The following TMEM132D variants were observed in gnomAD, a reference collection of about 807,000 sequenced individuals.
TMEM132D encodes the protein mature OL transmembrane protein.
A neutral mutation model predicts 62.3 loss-of-function variants in TMEM132D; 21 were observed. That is an observed-to-expected ratio of 0.34 (90% CI 0.24 to 0.49). The LOEUF (loss-of-function observed/expected upper bound fraction) is 0.49, where lower values mean the gene tolerates loss of function less well. TMEM132D is among the 20% of genes least tolerant of loss of function. The pLI, the probability that TMEM132D is intolerant of heterozygous loss-of-function variation, is 0.99. For missense variants in TMEM132D, 1,346 were observed against 1,402.8 expected, an observed-to-expected ratio of 0.96 and a Z score of 0.65; for synonymous variants, 621 against 575.6, an observed-to-expected ratio of 1.08 and a Z score of -1.13.
At chr12:129,209,419 A>AGCCAGAGGT (rs1327221715) in intron 5 of TMEM132D, 101 bp downstream of exon 5, 2 of 1,445,962 alleles carry the variant, frequency 1.4e-6, no homozygotes, top group Non-Finnish European at 1.9e-6. Context: ...ATCCTGTGGG[A>AGCCAGAGGT]CCCAGAGGTC....
At chr12:129,549,702 G>A (rs768855993) in intron 2 of TMEM132D, among the ~76,000 whole-genome samples, 6 of 152,138 alleles carry the variant, frequency 3.9e-5, no homozygotes, top group Non-Finnish European at 7.3e-5. Context: ...CTTTGACTTT[G>A]GGCATAGTCA....
chr12:129,446,363 G>T (rs1176693582), intron 3 of TMEM132D, among the ~76,000 whole-genome samples: 1 of 152,164 alleles, frequency 6.6e-6, no homozygotes, highest in Admixed American at 6.5e-5. Flanking sequence ...CAGGTGTTGT[G>T]CACTGTACCC....
chr12:129,479,551 C>A (rs1005787704), intron 3 of TMEM132D, among the ~76,000 whole-genome samples: 1 of 152,130 alleles, frequency 6.6e-6, no homozygotes, highest in South Asian at 2.1e-4. Flanking sequence ...TGATAAAAAC[C>A]AATGCCTGTC....
chr12:129,398,860 AT>A (rs879345952), intron 3 of TMEM132D, among the ~76,000 whole-genome samples: 12,111 of 152,144 alleles, frequency 0.08, 1,146 homozygotes, highest in African/African-American at 0.24. Context: ...CCATCCATCC[AT>A]CCATCCATCC....
intron 1 of TMEM132D, among the ~76,000 whole-genome samples, chr12:129,886,483 C>T (rs1271453714): frequency 6.6e-6 from 1 of 152,164 alleles, no homozygotes; most frequent in Admixed American, 6.5e-5. Context: ...CCCTTTAAAA[C>T]ATCCCCATTC....
chr12:129,891,579 C>T (rs961692228), intron 1 of TMEM132D, among the ~76,000 whole-genome samples: 1 of 152,174 alleles, frequency 6.6e-6, no homozygotes, highest in East Asian at 1.9e-4. Flanking sequence ...CAGGAAAGAA[C>T]TTGGCAGCGA....
rs189204980 is a variant in TMEM132D, at chr12:129,301,524, C to A, written c.1299+36110G>T. 2.0e-5 allele frequency among the ~76,000 whole-genome samples: 3 copies of A among 152,238 alleles called. No individual in the cohort carries two copies. The East Asian group carries it at 5.8e-4, about 29-fold the overall frequency. Reference sequence around the variant, plus strand: ...ATGCGACCTGCTTCAAAAGCACAGACATTACTCCAATTTTCCAAATTGGGA... The same window carrying A: ...ATGCGACCTGCTTCAAAAGCACAGAAATTACTCCAATTTTCCAAATTGGGA... On this transcript the variant is annotated intron_variant, in intron 4 of 8. Coordinates refer to ENST00000422113, the MANE Select transcript of TMEM132D (RefSeq NM_133448.3).
At chr12:129,560,103 G>T (rs1877173194) in intron 2 of TMEM132D, among the ~76,000 whole-genome samples, 1 of 152,188 alleles carries the variant, frequency 6.6e-6, no homozygotes, top group Non-Finnish European at 1.5e-5. Flanking sequence ...TAAAGTGTGT[G>T]GCAATATGTA....
At chr12:129,274,916 T>G (rs1880963465) in intron 4 of TMEM132D, among the ~76,000 whole-genome samples, 1 of 151,642 alleles carries the variant, frequency 6.6e-6, no homozygotes, top group African/African-American at 2.4e-5. Context: ...AAACAATTAT[T>G]TTACTACAAA....
chr12:129,088,008 ATGACCGGGTG>A (rs1874699531), intron 5 of TMEM132D, among the ~76,000 whole-genome samples: 1 of 54,966 alleles, frequency 1.8e-5, no homozygotes, highest in African/African-American at 6.6e-5. Flanking sequence ...GGTGTCCTCC[ATGACCGGGTG>A]TCCTCCATGA....
At chr12:129,731,357 GC>G (rs1375727886) in intron 1 of TMEM132D, among the ~76,000 whole-genome samples, 1 of 152,102 alleles carries the variant, frequency 6.6e-6, no homozygotes, top group Non-Finnish European at 1.5e-5. Flanking sequence ...ATCTCAAAGT[GC>G]TGTAAAAAGA....
At chr12:129,205,376 GA>G (rs35326308) in intron 5 of TMEM132D, among the ~76,000 whole-genome samples, 48,692 of 111,280 alleles carry the variant, frequency 0.44, 8,412 homozygotes, top group Middle Eastern at 0.53. Flanking sequence ...CCTAATTTCA[GA>G]AAAAAAAAAA....
intron 1 of TMEM132D, among the ~76,000 whole-genome samples, chr12:129,775,575 A>T (rs1870895564): frequency 6.6e-6 from 1 of 152,216 alleles, no homozygotes; most frequent in Non-Finnish European, 1.5e-5. Flanking sequence ...AAAGGGATGG[A>T]AGCAACAAAG....
chr12:129,179,845 T>C (rs754861033), intron 5 of TMEM132D, among the ~76,000 whole-genome samples: 1 of 151,862 alleles, frequency 6.6e-6, no homozygotes, highest in Non-Finnish European at 1.5e-5. Flanking sequence ...CTGGCCAACA[T>C]GGCGAAACTC....
At position 129,642,074 on chromosome 12, in the gene TMEM132D, G is replaced by A. The variant is rs572994485; in HGVS notation, c.968+57736C>T. ...ATGACAGTATTCCTAGCAGAGAGAC[G>A]GGACGCTAGCCAGGAGGCCTGCAGC... On this transcript the variant is annotated intron_variant, in intron 2 of 8. Coordinates refer to ENST00000422113, the MANE Select transcript of TMEM132D (RefSeq NM_133448.3). 1.1e-4 allele frequency among the ~76,000 whole-genome samples: 16 copies of A among 152,146 alleles called. No homozygotes were observed. The South Asian group carries it at 3.1e-3, about 30-fold the overall frequency.
At chr12:129,197,351 G>C (rs1410404518) in intron 5 of TMEM132D, among the ~76,000 whole-genome samples, 1 of 152,114 alleles carries the variant, frequency 6.6e-6, no homozygotes, top group Non-Finnish European at 1.5e-5. Flanking sequence ...AGATAGAAAA[G>C]GGCTGGAAAT....
intron 5 of TMEM132D, among the ~76,000 whole-genome samples, chr12:129,179,435 G>A (rs562388890): frequency 3.3e-5 from 5 of 152,158 alleles, no homozygotes; most frequent in African/African-American, 1.2e-4. Context: ...GGGGATCCCT[G>A]GTGTCTCTTC....
At chr12:129,404,414 C>G (rs137998934) in intron 3 of TMEM132D, among the ~76,000 whole-genome samples, 221 of 152,288 alleles carry the variant, frequency 1.5e-3, no homozygotes, top group Non-Finnish European at 2.4e-3. Flanking sequence ...CCAGGCTGGT[C>G]TCGAACTCCT....
chr12:129,414,810 G>A (rs1355544812), intron 3 of TMEM132D, among the ~76,000 whole-genome samples: 1 of 152,034 alleles, frequency 6.6e-6, no homozygotes, highest in Non-Finnish European at 1.5e-5. Context: ...CCTTGTATCT[G>A]TTCCCCCACC....
Sources: gnomAD v4.1 joint callset for allele counts (sites outside exome capture counted in the v4.1 genomes callset) on GRCh38, gnomAD v4.1.1 for gene constraint, MANE v1.5 for transcripts, NCBI Gene and HGNC (gene_info 2026-07-23, HGNC 2026-07-21) for gene names.